The following REXO4 variants were observed in gnomAD, a reference collection of about 807,000 sequenced individuals.
The protein encoded by REXO4 is REX4 homolog, 3'-5' exonuclease.
REXO4 carries 29 observed loss-of-function variants against 39.9 expected under a neutral mutation model. The observed-to-expected ratio is 0.73, with a 90% CI of 0.54 to 0.99. The LOEUF (loss-of-function observed/expected upper bound fraction) is 0.99. Ranked by LOEUF, REXO4 falls within the 50% of genes least tolerant of loss-of-function variation. REXO4 has a pLI of 0.00. For synonymous variants in REXO4, 184 were observed against 206.2 expected, an observed-to-expected ratio of 0.89 and a Z score of 0.92; for missense variants, 524 against 546.5, an observed-to-expected ratio of 0.96 and a Z score of 0.41.
chr9:133,407,344 CT>C (rs1482762160), intron 7 of REXO4, among the ~76,000 whole-genome samples: 5 of 152,144 alleles, frequency 3.3e-5, no homozygotes, highest in Non-Finnish European at 7.3e-5. Flanking sequence ...AACACGCTGC[CT>C]TTTTAGGTCT....
At chr9:133,407,254 G>A (rs1269659920) in intron 7 of REXO4, among the ~76,000 whole-genome samples, 182 bp from the exon 8 acceptor site, 1 of 152,116 alleles carries the variant, frequency 6.6e-6, no homozygotes, top group East Asian at 1.9e-4. Flanking sequence ...AGGGAGCAAC[G>A]ACCTGATGGT....
upstream of REXO4, chr9:133,418,137 T>G: frequency 2.2e-6 from 1 of 445,850 alleles, no homozygotes; most frequent in Non-Finnish European, 4.0e-6. Context: ...GCCGCCGCCT[T>G]AGCCAGCGGC....
At chr9:133,413,463 A>G (rs1289924160) in intron 2 of REXO4, among the ~76,000 whole-genome samples, 2 of 152,078 alleles carry the variant, frequency 1.3e-5, no homozygotes, top group Non-Finnish European at 2.9e-5. Context: ...AACACAGACA[A>G]ACACAAAGAA....
intron 1 of REXO4, chr9:133,415,982 A>G (rs1462623851): frequency 6.6e-6 from 1 of 152,280 alleles, no homozygotes; most frequent in Non-Finnish European, 1.5e-5. Context: ...CTGGGCAACA[A>G]AGTGAAACCC....
intron 1 of REXO4, among the ~76,000 whole-genome samples, chr9:133,417,247 C>G (rs1839690041): frequency 6.6e-6 from 1 of 152,320 alleles, no homozygotes; most frequent in Admixed American, 6.5e-5. Flanking sequence ...GAACTCTTGA[C>G]CTCAGGGGAT....
At chr9:133,411,141 G>T in intron 4 of REXO4, 68 bp from the exon 5 acceptor site, 1 of 1,288,210 alleles carries the variant, frequency 7.8e-7, no homozygotes, top group Non-Finnish European at 1.1e-6. Flanking sequence ...TGAGGAGGCA[G>T]CCCCGCTCCT....
intron 7 of REXO4, among the ~76,000 whole-genome samples, chr9:133,407,358 G>C (rs943951571): frequency 2.0e-5 from 3 of 152,282 alleles, no homozygotes; most frequent in East Asian, 3.9e-4. Context: ...TTAGGTCTCT[G>C]AGTGCAGGGT....
At position 133,417,555 on chromosome 9, in the gene REXO4, T is replaced by TC. The variant is rs375637340; in HGVS notation, c.225+64dup. On this transcript the variant is annotated intron_variant, in intron 1 of 7. Coordinates refer to ENST00000371942, the MANE Select transcript of REXO4 (RefSeq NM_020385.4). ...GGTCTTTTGGGGCTACCCAAGTCTT[T>TC]CCCTCCGTCGCGTTCTGCGGGAATG... The TC allele has an allele frequency of 3.3e-5, 51 of 1,543,452 alleles. No homozygotes were observed. The African/African-American group carries it at 4.6e-4, about 14-fold the overall frequency.
Position 133,412,903 on chromosome 9 carries a change from G to A in REXO4, c.591C>T (p.Asp197=), listed in dbSNP as rs139335718. Reference sequence around the variant, plus strand: ...CTTCGATATCCGCTGGGTCCACGTCGTCAAACCAGATGTCTTCCCTAAAAG... The same window carrying A: ...CTTCGATATCCGCTGGGTCCACGTCATCAAACCAGATGTCTTCCCTAAAAG... ...APPTEEDIWF[D]DVDPADIEAA... is the part of the protein sequence containing the mutation. The change falls in exon 3 of 8, where the codon GAC becomes GAT. Residue 197 remains aspartate (D), a synonymous_variant. Coordinates refer to ENST00000371942, the MANE Select transcript of REXO4 (RefSeq NM_020385.4). 147 of 1,613,968 alleles carry A rather than the reference G, an allele frequency of 9.1e-5. No homozygotes were observed. The highest frequency in any genetic ancestry group is 8.2e-4 in the Middle Eastern group (5 of 6,062).
intron 5 of REXO4, among the ~76,000 whole-genome samples, chr9:133,410,219 G>A (rs1554779854): frequency 6.6e-6 from 1 of 152,224 alleles, no homozygotes; most frequent in Non-Finnish European, 1.5e-5. Context: ...GGTGGGCAGA[G>A]GTGACAACTT....
chr9:133,408,403 G>C (rs28756699), intron 6 of REXO4, among the ~76,000 whole-genome samples: 15,915 of 151,800 alleles, frequency 0.1, 1,041 homozygotes, highest in African/African-American at 0.18. Context: ...CAGTTACAGT[G>C]AGCCAAGATT....
At chr9:133,417,023 T>C (rs587711895) in intron 1 of REXO4, among the ~76,000 whole-genome samples, 1 of 152,344 alleles carries the variant, frequency 6.6e-6, no homozygotes, top group Admixed American at 6.5e-5. Flanking sequence ...TTCGTTGTTG[T>C]TGTTTGAGAT....
intron 5 of REXO4, among the ~76,000 whole-genome samples, chr9:133,410,608 C>G (rs1839162054): frequency 6.6e-6 from 1 of 152,294 alleles, no homozygotes; most frequent in Admixed American, 6.5e-5. Flanking sequence ...CAAGCGTAAC[C>G]TGAACATGGG....
At position 133,412,884 on chromosome 9, in the gene REXO4, T is replaced by C. The variant is rs1554780581; in HGVS notation, c.610A>G (p.Ile204Val). Reference sequence around the variant, plus strand: ...GCCTCTGGACCTATGGCAGCTTCGATATCCGCTGGGTCCACGTCGTCAAAC... The same window carrying C: ...GCCTCTGGACCTATGGCAGCTTCGACATCCGCTGGGTCCACGTCGTCAAAC... ...IWFDDVDPADIEAAIGPEAAK... is the reference protein window; with the variant it reads ...IWFDDVDPADVEAAIGPEAAK... Residue 204 changes from isoleucine to valine, a missense_variant, in exon 3 of 8, where the codon ATC becomes GTC. Ile to Val is a conservative substitution (Grantham distance 29). Transcript: ENST00000371942. 3 of 1,614,124 alleles carry C rather than the reference T, an allele frequency of 1.9e-6. No individual in the cohort carries two copies. Among genetic ancestry groups the C allele is most frequent in the Middle Eastern group, 1.6e-4 (1 of 6,062 alleles).
chr9:133,415,811 T>A (rs1275102284), intron 1 of REXO4: 5 of 152,210 alleles, frequency 3.3e-5, no homozygotes, highest in African/African-American at 1.2e-4. Context: ...GTTCAAGAAA[T>A]CCCACAGAAC....
At chr9:133,408,636 C>T (rs1031783352) in intron 6 of REXO4, 132 bp downstream of exon 6, 2 of 655,726 alleles carry the variant, frequency 3.1e-6, no homozygotes, top group African/African-American at 3.7e-5. Flanking sequence ...TTTAAACATT[C>T]CTTCTAGTTT....
At chr9:133,413,518 C>T (rs587673032) in intron 2 of REXO4, among the ~76,000 whole-genome samples, 1 of 152,296 alleles carries the variant, frequency 6.6e-6, no homozygotes, top group South Asian at 2.1e-4. Flanking sequence ...GTAATGAGTG[C>T]TAACATTTTA....
rs371360470 is a variant in REXO4, at chr9:133,411,239, G to A, written c.911-166C>T. ...AGCCACCACATCCACCCACCCCCCT[G>A]GGAGAAGTGCCTTGTGGGCCCCTGG... On this transcript the variant is annotated intron_variant, in intron 4 of 7. Transcript: ENST00000371942. 2.0e-5 allele frequency among the ~76,000 whole-genome samples: 3 copies of A among 152,330 alleles called. No homozygotes were observed. The East Asian group carries it at 5.8e-4, about 29-fold the overall frequency.
intron 7 of REXO4, 37 bp from the exon 8 acceptor site, chr9:133,407,109 A>G: frequency 6.2e-7 from 1 of 1,609,340 alleles, no homozygotes; most frequent in South Asian, 1.1e-5. Context: ...GTGACGAGGC[A>G]TAGCCGCAGC....
Sources: allele counts gnomAD v4.1 joint callset (sites outside exome capture counted in the v4.1 genomes callset), GRCh38; gene constraint gnomAD v4.1.1; transcripts MANE v1.5; gene names NCBI Gene and HGNC (gene_info 2026-07-23, HGNC 2026-07-21).